Variants in DAB1 observed in about 807,000 individuals in gnomAD.
DAB1 encodes disabled homolog 1.
Under a neutral mutation model 64.6 loss-of-function variants are expected in DAB1, and 15 were observed. The observed-to-expected ratio is 0.23, with a 90% CI of 0.16 to 0.36. The LOEUF is 0.36. Among genes scored for constraint, DAB1 ranks in the 10% least tolerant of loss-of-function variants. The pLI is 1.00. For synonymous variants in DAB1, 235 were observed against 251.9 expected (o/e 0.93, Z 0.64); for missense variants, 596 against 706.7 (o/e 0.84, Z 1.78).
Position 57,072,706 on chromosome 1 carries a change from T to C in DAB1, c.307-292A>G, listed in dbSNP as rs1418229040. ...GAGCCAGCCAGTTTAATTCAATGGG[T>C]AGGCTTCTGTTTGATCGTTTTACAT... On this transcript the variant is annotated intron_variant, in intron 4 of 14. Transcript: ENST00000371236. Among the ~76,000 whole-genome samples, 3 of 152,234 alleles carry C rather than the reference T, an allele frequency of 2.0e-5. No homozygotes were observed. The East Asian group carries it at 5.8e-4, about 29-fold the overall frequency.
intron 5 of DAB1, among the ~76,000 whole-genome samples, chr1:58,018,020 A>G (rs1390361159): frequency 6.6e-5 from 10 of 152,210 alleles, no homozygotes; most frequent in Non-Finnish European, 1.0e-4. Context: ...CGGTTCGCCA[A>G]TTGACAGCTA....
chr1:57,866,974 C>A (rs1435672588), intron 1 of DAB1: 1 of 152,138 alleles, frequency 6.6e-6, no homozygotes, highest in South Asian at 2.1e-4. Context: ...TCCTCTTGGG[C>A]TCTCTCAGCC....
intron 5 of DAB1, among the ~76,000 whole-genome samples, chr1:58,112,413 T>A (rs115927518): frequency 0.011 from 1,640 of 152,364 alleles, 14 homozygotes; most frequent in South Asian, 0.017. Context: ...CATGAATAGA[T>A]GTTTTCCCAA....
intron 1 of DAB1, among the ~76,000 whole-genome samples, chr1:57,848,914 G>A (rs1653404606): frequency 6.6e-6 from 1 of 152,152 alleles, no homozygotes; most frequent in African/African-American, 2.4e-5. Context: ...ACTCCAGGAT[G>A]TAATCCTCAC....
chr1:58,325,193 A>G (rs537987654), intron 4 of DAB1, among the ~76,000 whole-genome samples: 1 of 152,350 alleles, frequency 6.6e-6, no homozygotes, highest in Admixed American at 6.5e-5. Context: ...AGGAGACAGG[A>G]GAGAAGATTA....
At chr1:57,626,390 G>C (rs1033851411) in intron 7 of DAB1, among the ~76,000 whole-genome samples, 1 of 152,208 alleles carries the variant, frequency 6.6e-6, no homozygotes, top group African/African-American at 2.4e-5. Flanking sequence ...ACACCACAGA[G>C]GATGGTTGTG....
At chr1:57,816,271 G>T (rs900809391) in intron 6 of DAB1, among the ~76,000 whole-genome samples, 12 of 152,146 alleles carry the variant, frequency 7.9e-5, no homozygotes, top group African/African-American at 2.9e-4. Flanking sequence ...GACCTCTAAG[G>T]TTCCATCTCA....
chr1:57,024,499 T>C (rs903939709), intron 10 of DAB1, among the ~76,000 whole-genome samples: 3 of 152,180 alleles, frequency 2.0e-5, no homozygotes, highest in Non-Finnish European at 4.4e-5. Context: ...CAATTAATCC[T>C]GAAATCATGG....
At chr1:57,090,506 C>CT (rs1308144744) in intron 4 of DAB1, among the ~76,000 whole-genome samples, 1 of 152,138 alleles carries the variant, frequency 6.6e-6, no homozygotes, top group Non-Finnish European at 1.5e-5. Flanking sequence ...CTGTCTGATG[C>CT]TTTTCTTATA....
At chr1:57,778,244 A>T (rs1418266279) in intron 6 of DAB1, among the ~76,000 whole-genome samples, 1 of 151,992 alleles carries the variant, frequency 6.6e-6, no homozygotes, top group Non-Finnish European at 1.5e-5. Flanking sequence ...AATCATATGC[A>T]TATTTCTGGA....
chr1:57,507,179 T>C (rs1390306202), intron 7 of DAB1, among the ~76,000 whole-genome samples: 1 of 152,176 alleles, frequency 6.6e-6, no homozygotes, highest in Non-Finnish European at 1.5e-5. Flanking sequence ...CCCTAAGCAA[T>C]CTTTCCAGAC....
At chr1:57,693,486 T>TA (rs1646788434) in intron 6 of DAB1, among the ~76,000 whole-genome samples, 1 of 148,782 alleles carries the variant, frequency 6.7e-6, no homozygotes, top group Non-Finnish European at 1.5e-5. Flanking sequence ...AAGCACTCTG[T>TA]AAAATGGACC....
chr1:57,188,467 A>G (rs964163706), intron 2 of DAB1, among the ~76,000 whole-genome samples: 9 of 152,224 alleles, frequency 5.9e-5, no homozygotes, highest in African/African-American at 2.2e-4. Context: ...AAAATAAGCA[A>G]GACCAGAATT....
intron 2 of DAB1, among the ~76,000 whole-genome samples, chr1:58,516,154 A>G (rs1274341314): frequency 1.3e-5 from 2 of 152,194 alleles, no homozygotes; most frequent in South Asian, 2.1e-4. Flanking sequence ...TTAAACATCA[A>G]TAATTCCCCC....
chr1:57,068,726 C>A (rs768952684), intron 8 of DAB1, among the ~76,000 whole-genome samples: 1 of 152,126 alleles, frequency 6.6e-6, no homozygotes, highest in Non-Finnish European at 1.5e-5. Context: ...GCCTTCACAC[C>A]CATGCCTGGG....
chr1:58,330,441 T>C (rs1281016320), intron 4 of DAB1, among the ~76,000 whole-genome samples: 2 of 152,218 alleles, frequency 1.3e-5, no homozygotes, highest in Non-Finnish European at 2.9e-5. Flanking sequence ...CTTCAGAAGA[T>C]CTAGCTAAGA....
chr1:58,539,313 G>T, intron 1 of DAB1: 2 of 797,692 alleles, frequency 2.5e-6, no homozygotes, highest in South Asian at 1.6e-5. Flanking sequence ...TTGACTACCT[G>T]AAACAAAAAA....
chr1:57,284,729 T>C (rs1570160833), intron 2 of DAB1, among the ~76,000 whole-genome samples: 1 of 152,400 alleles, frequency 6.6e-6, no homozygotes, highest in South Asian at 2.1e-4. Context: ...ATCAATATGA[T>C]GGCAATTTAT....
chr1:57,410,725 T>G (rs528981443), intron 1 of DAB1, among the ~76,000 whole-genome samples: 2 of 152,314 alleles, frequency 1.3e-5, no homozygotes. Context: ...CTAGCCTGAC[T>G]CACATGAACC....
Sources: allele counts gnomAD v4.1 joint callset (sites outside exome capture counted in the v4.1 genomes callset), GRCh38; gene constraint gnomAD v4.1.1; transcripts MANE v1.5; gene names NCBI Gene and HGNC (gene_info 2026-07-23, HGNC 2026-07-21).